The following CLDN16 variants were observed in gnomAD, a reference collection of about 807,000 sequenced individuals.
The protein encoded by CLDN16 is claudin-16.
CLDN16 carries 13 observed loss-of-function variants against 24.6 expected under a neutral mutation model. The ratio of observed to expected loss-of-function variants is 0.53; its 90% CI spans 0.34 to 0.84. CLDN16 has a LOEUF of 0.84. Ranked by LOEUF, CLDN16 falls within the 40% of genes least tolerant of loss-of-function variation. CLDN16 has a pLI of 0.01. For missense variants in CLDN16, 298 were observed against 292.7 expected (o/e 1.02, Z -0.13); for synonymous variants, 116 against 106.7 (o/e 1.09, Z -0.54).
intron 3 of CLDN16, among the ~76,000 whole-genome samples, chr3:190,407,268 T>A (rs571767838): frequency 4.7e-4 from 72 of 152,262 alleles, no homozygotes; most frequent in African/African-American, 1.5e-3. Context: ...AACACATGCA[T>A]CTAACTTAGC....
chr3:190,346,243 A>G (rs1296572297), intron 1 of CLDN16, among the ~76,000 whole-genome samples: 1 of 152,178 alleles, frequency 6.6e-6, no homozygotes, highest in Admixed American at 6.5e-5. Context: ...AAAATTCAAA[A>G]GAAGTTCTGT....
intron 1 of CLDN16, among the ~76,000 whole-genome samples, chr3:190,394,360 T>C (rs1718761717): frequency 6.6e-6 from 1 of 152,210 alleles, no homozygotes; most frequent in Non-Finnish European, 1.5e-5. Context: ...TACTGAGCAC[T>C]AGTATGATTA....
the CLDN16 span, among the ~76,000 whole-genome samples, chr3:190,301,697 C>G: frequency 6.6e-6 from 1 of 152,136 alleles, no homozygotes; most frequent in East Asian, 1.9e-4. Flanking sequence ...TCTAGTCAAT[C>G]AGCAAAAGCA....
rs904007166 is a variant in CLDN16, at chr3:190,411,898, C to G, written c.*1862C>G. Reference sequence around the variant, plus strand: ...TGTTCCTCTCAATATTTGTTTTTAACATTTATTCCCATTTTTATTTTATAC... The same window carrying G: ...TGTTCCTCTCAATATTTGTTTTTAAGATTTATTCCCATTTTTATTTTATAC... On this transcript the variant is annotated 3_prime_UTR_variant, in exon 5 of 5. Coordinates refer to ENST00000264734, the MANE Select transcript of CLDN16 (RefSeq NM_006580.4). The G allele has an allele frequency of 6.6e-6, 1 of 152,056 alleles. No homozygotes were observed. Among genetic ancestry groups the G allele is most frequent in the Non-Finnish European group, 1.5e-5 (1 of 67,950 alleles). The allele number at this position is 152,056 out of a possible 1,614,324, so 9.4% of individuals were successfully genotyped here. A position where few individuals can be genotyped will look rare whatever the true frequency, so the allele number is the denominator to read the frequency against.
chr3:190,317,546 G>A (rs1716803029), upstream of CLDN16, among the ~76,000 whole-genome samples: 1 of 152,178 alleles, frequency 6.6e-6, no homozygotes, highest in South Asian at 2.1e-4. Context: ...AAGCTTGAAA[G>A]TCTTGCTACA....
At chr3:190,326,617 G>C (rs1211622999) in intron 1 of CLDN16, among the ~76,000 whole-genome samples, 6 of 152,178 alleles carry the variant, frequency 3.9e-5, no homozygotes, top group Non-Finnish European at 2.9e-5. Flanking sequence ...AGATCTGCAA[G>C]AATCTGTAGA....
At chr3:190,400,235 G>T (rs1237315579) in intron 1 of CLDN16, among the ~76,000 whole-genome samples, 2 of 150,692 alleles carry the variant, frequency 1.3e-5, no homozygotes, top group Non-Finnish European at 3.0e-5. Context: ...TTACCTCGAG[G>T]TTTTTTTTTC....
chr3:190,337,614 T>C (rs78734827), intron 1 of CLDN16, among the ~76,000 whole-genome samples: 10,727 of 152,250 alleles, frequency 0.07, 559 homozygotes, highest in African/African-American at 0.14. Flanking sequence ...CCTTATATGA[T>C]AATATTCTTT....
intron 4 of CLDN16, among the ~76,000 whole-genome samples, chr3:190,409,352 T>C (rs1176179011): frequency 6.6e-6 from 1 of 151,884 alleles, no homozygotes; most frequent in Non-Finnish European, 1.5e-5. Context: ...TATACATATA[T>C]GTGTGTCTAT....
At chr3:190,323,462 T>C (rs530390322) in intron 1 of CLDN16, among the ~76,000 whole-genome samples, 169 of 152,310 alleles carry the variant, frequency 1.1e-3, no homozygotes, top group Admixed American at 2.9e-3. Context: ...TTTCCCTCTA[T>C]GTTTCTCCAA....
intron 2 of CLDN16, among the ~76,000 whole-genome samples, chr3:190,374,269 T>TTGTG (rs3220823): frequency 0.074 from 10,284 of 139,208 alleles, 471 homozygotes; most frequent in Non-Finnish European, 0.094. Context: ...CTGAAAAACA[T>TTGTG]TGTGTGTGTG....
Position 190,347,308 on chromosome 3 carries a change from A to G in CLDN16, n.122-23585A>G, listed in dbSNP as rs548726429. On this transcript the variant is annotated intron_variant and non_coding_transcript_variant, in intron 1 of 4. Transcript: ENST00000468220. ...AAGTAGGGAGGAGTCAAGAAAAACT[A>G]CCAGTTTTTCTGGGTAGACCTCCTA... Among the ~76,000 whole-genome samples, 50 of 152,278 alleles carry G rather than the reference A, an allele frequency of 3.3e-4. No homozygotes were observed. In the South Asian group the frequency reaches 5.2e-3, roughly 16 times the overall value.
chr3:190,361,185 C>A (rs548572241), intron 1 of CLDN16, among the ~76,000 whole-genome samples: 1 of 152,118 alleles, frequency 6.6e-6, no homozygotes, highest in East Asian at 1.9e-4. Flanking sequence ...CCACTATGTG[C>A]TAGTCACTCA....
chr3:190,305,994 C>T, the CLDN16 span: 1 of 152,156 alleles, frequency 6.6e-6, no homozygotes, highest in Non-Finnish European at 1.5e-5. Context: ...AGCATATATT[C>T]TCAGGTTTGG....
At chr3:190,328,738 T>A (rs1717123449) in intron 1 of CLDN16, among the ~76,000 whole-genome samples, 1 of 152,162 alleles carries the variant, frequency 6.6e-6, no homozygotes, top group Admixed American at 6.5e-5. Context: ...GTGAGTTGCA[T>A]CTCAAGTTTG....
At chr3:190,351,481 C>T (rs1277425303) in intron 1 of CLDN16, among the ~76,000 whole-genome samples, 2 of 152,096 alleles carry the variant, frequency 1.3e-5, no homozygotes, top group East Asian at 3.9e-4. Flanking sequence ...TCTCAGTTTT[C>T]TCATGTGTAA....
the CLDN16 span, among the ~76,000 whole-genome samples, chr3:190,315,772 A>G: frequency 2.6e-5 from 4 of 152,296 alleles, no homozygotes; most frequent in South Asian, 4.1e-4. Flanking sequence ...TTCTTCAAGT[A>G]AAAACAGAAG....
At chr3:190,310,205 T>C in the CLDN16 span, 1 of 1,613,952 alleles carries the variant, frequency 6.2e-7, no homozygotes. Context: ...ATAGAATTCT[T>C]GAACGATTCT....
At chr3:190,358,560 G>A (rs1717823421) in intron 1 of CLDN16, among the ~76,000 whole-genome samples, 1 of 151,910 alleles carries the variant, frequency 6.6e-6, no homozygotes, top group Non-Finnish European at 1.5e-5. Context: ...AGGGATAACA[G>A]CAATTGTAGG....
Sources: allele counts gnomAD v4.1 joint callset (sites outside exome capture counted in the v4.1 genomes callset), GRCh38; gene constraint gnomAD v4.1.1; transcripts MANE v1.5; gene names NCBI Gene and HGNC (gene_info 2026-07-23, HGNC 2026-07-21).